The following SEMA5A variants were observed in gnomAD, a reference collection of about 807,000 sequenced individuals.
SEMA5A encodes semaphorin 5A.
SEMA5A carries 55 observed loss-of-function variants against 135.5 expected under a neutral mutation model. The ratio of observed to expected loss-of-function variants is 0.41; its 90% CI spans 0.33 to 0.51. The LOEUF is 0.51. Among genes scored for constraint, SEMA5A ranks in the 20% least tolerant of loss-of-function variants. The pLI, the probability that SEMA5A is intolerant of heterozygous loss-of-function variation, is 0.37. For synonymous variants in SEMA5A, 580 were observed against 546.5 expected (o/e 1.06, Z -0.85); for missense variants, 1,290 against 1,419.9 (o/e 0.91, Z 1.47).
intron 8 of SEMA5A, among the ~76,000 whole-genome samples, chr5:9,221,062 G>A (rs1746923479): frequency 6.6e-6 from 1 of 152,088 alleles, no homozygotes; most frequent in Non-Finnish European, 1.5e-5. Context: ...GAAGACCTAC[G>A]CCTTCACCAC....
At chr5:9,316,829 T>C (rs911215743) in intron 5 of SEMA5A, among the ~76,000 whole-genome samples, 1 of 152,170 alleles carries the variant, frequency 6.6e-6, no homozygotes, top group Admixed American at 6.5e-5. Flanking sequence ...TCTACTCTGT[T>C]AGCAATTTTC....
At chr5:9,488,116 T>C (rs994324672) in intron 1 of SEMA5A, among the ~76,000 whole-genome samples, 1 of 152,180 alleles carries the variant, frequency 6.6e-6, no homozygotes, top group South Asian at 2.1e-4. Context: ...GGTTACCCCA[T>C]AGGGTAGTTT....
intron 4 of SEMA5A, 117 bp from the exon 5 acceptor site, chr5:9,318,534 C>A: frequency 1.2e-6 from 1 of 811,584 alleles, no homozygotes. Flanking sequence ...CATCTTCTTT[C>A]TAAGAATATG....
chr5:9,318,464 AAAGTT>A (rs768219921), intron 4 of SEMA5A, 47 bp from the exon 5 acceptor site: 2 of 1,488,492 alleles, frequency 1.3e-6, no homozygotes, highest in Admixed American at 3.9e-5. Flanking sequence ...TAGATCACAG[AAAGTT>A]AAGAGTTTAT....
chr5:9,416,339 AC>A (rs1290248346), intron 2 of SEMA5A, among the ~76,000 whole-genome samples: 1 of 152,112 alleles, frequency 6.6e-6, no homozygotes, highest in African/African-American at 2.4e-5. Flanking sequence ...GTCCACTCTA[AC>A]CCGTTTCTGA....
chr5:9,082,796 C>G (rs1247081613), intron 16 of SEMA5A, among the ~76,000 whole-genome samples: 1 of 152,132 alleles, frequency 6.6e-6, no homozygotes, highest in Non-Finnish European at 1.5e-5. Context: ...GAGAAATCAT[C>G]CTTTCTTCCT....
chr5:9,158,900 G>A (rs1394624298), intron 11 of SEMA5A, among the ~76,000 whole-genome samples: 1 of 152,176 alleles, frequency 6.6e-6, no homozygotes, highest in Non-Finnish European at 1.5e-5. Flanking sequence ...TAGCAGAAGA[G>A]AAGGGATGTT....
At chr5:9,207,102 GTATATATATATA>G (rs70943947) in intron 8 of SEMA5A, among the ~76,000 whole-genome samples, 34 of 97,632 alleles carry the variant, frequency 3.5e-4, no homozygotes, top group East Asian at 8.4e-4. Flanking sequence ...ATGATCAAGT[GTATATATATATA>G]TATATATATA....
chr5:9,311,146 C>CA (rs1554018151), intron 5 of SEMA5A, among the ~76,000 whole-genome samples: 5 of 151,290 alleles, frequency 3.3e-5, no homozygotes, highest in Non-Finnish European at 5.9e-5. Context: ...TTTCGCTCAA[C>CA]GGGGGGGTCC....
At chr5:9,170,020 G>A (rs3797927) in intron 11 of SEMA5A, among the ~76,000 whole-genome samples, 13,722 of 152,206 alleles carry the variant, frequency 0.09, 791 homozygotes, top group African/African-American at 0.16. Context: ...TTACTTGCAG[G>A]GAATTATTTT....
chr5:9,259,706 C>T (rs1285313088), intron 5 of SEMA5A, among the ~76,000 whole-genome samples: 2 of 136,614 alleles, frequency 1.5e-5, no homozygotes, highest in Non-Finnish European at 3.1e-5. Flanking sequence ...AGAACAAAGA[C>T]ACCACATACC....
intron 5 of SEMA5A, among the ~76,000 whole-genome samples, chr5:9,283,975 CT>C (rs1332538129): frequency 6.6e-6 from 1 of 150,918 alleles, no homozygotes; most frequent in Non-Finnish European, 1.5e-5. Context: ...CATGGTCTTA[CT>C]AAAAAATAGA....
At chr5:9,069,076 G>A (rs564919827) in intron 16 of SEMA5A, among the ~76,000 whole-genome samples, 23 of 152,256 alleles carry the variant, frequency 1.5e-4, no homozygotes, top group South Asian at 6.2e-4. Context: ...GGTTTTCACC[G>A]GGGTCTGGTT....
intron 2 of SEMA5A, among the ~76,000 whole-genome samples, chr5:9,417,982 T>A (rs1757337919): frequency 1.3e-5 from 2 of 151,292 alleles, no homozygotes; most frequent in South Asian, 4.2e-4. Context: ...TCTCTTCTTT[T>A]TTTTTTTTTT....
chr5:9,201,882 A>ATTAAAAACT, intron 9 of SEMA5A, 73 bp downstream of exon 9: 9 of 1,410,138 alleles, frequency 6.4e-6, no homozygotes, highest in Middle Eastern at 2.1e-4. Context: ...TTAAAACCTC[A>ATTAAAAACT]GAGGTCAAAG....
At chr5:9,052,554 T>C (rs1315788673) in intron 19 of SEMA5A, among the ~76,000 whole-genome samples, 2 of 152,316 alleles carry the variant, frequency 1.3e-5, no homozygotes, top group South Asian at 2.1e-4. Context: ...ATTACTTTCT[T>C]TTCTGTTATA....
At chr5:9,532,119 C>A (rs1203172570) in intron 1 of SEMA5A, among the ~76,000 whole-genome samples, 1 of 152,178 alleles carries the variant, frequency 6.6e-6, no homozygotes, top group Admixed American at 6.5e-5. Context: ...CTTTCTTTGA[C>A]TCAAATCTAT....
intron 16 of SEMA5A, among the ~76,000 whole-genome samples, chr5:9,078,774 A>G (rs953070838): frequency 3.3e-5 from 5 of 152,178 alleles, no homozygotes; most frequent in Non-Finnish European, 7.3e-5. Flanking sequence ...TTAGAATAAT[A>G]GAGTACTTAT....
At chr5:9,198,931 A>G (rs1463583096) in intron 9 of SEMA5A, among the ~76,000 whole-genome samples, 1 of 152,122 alleles carries the variant, frequency 6.6e-6, no homozygotes, top group Non-Finnish European at 1.5e-5. Flanking sequence ...GCCCCCTGCT[A>G]AGCACTTGAT....
Sources: gnomAD v4.1 joint callset for allele counts (sites outside exome capture counted in the v4.1 genomes callset) on GRCh38, gnomAD v4.1.1 for gene constraint, MANE v1.5 for transcripts, NCBI Gene and HGNC (gene_info 2026-07-23, HGNC 2026-07-21) for gene names.